EZH2: variants seen among roughly 807,000 people sequenced by gnomAD.
The protein encoded by EZH2 is histone-lysine N-methyltransferase EZH2.
EZH2 carries 18 observed loss-of-function variants against 98.4 expected under a neutral mutation model. The ratio of observed to expected loss-of-function variants is 0.18; its 90% CI spans 0.13 to 0.27. EZH2 has a LOEUF of 0.27. EZH2 is among the 10% of genes least tolerant of loss of function. EZH2 has a pLI of 1.00. For synonymous variants in EZH2, 338 were observed against 312.3 expected, an observed-to-expected ratio of 1.08 and a Z score of -0.87; for missense variants, 470 against 935.1, an observed-to-expected ratio of 0.50 and a Z score of 6.49.
chr7:148,830,858 A>G (rs1238741961), intron 4 of EZH2, among the ~76,000 whole-genome samples: 1 of 152,234 alleles, frequency 6.6e-6, no homozygotes, highest in Non-Finnish European at 1.5e-5. Context: ...GTTATAGATA[A>G]AGACTGGACA....
intron 5 of EZH2, among the ~76,000 whole-genome samples, chr7:148,829,096 G>A (rs1196352867): frequency 6.6e-6 from 1 of 152,092 alleles, no homozygotes; most frequent in Non-Finnish European, 1.5e-5. Context: ...TCTGTAGAAT[G>A]GCCCCTCCCC....
rs748108870 is a variant in EZH2 at position 148,832,699 on chromosome 7, T to A, written c.298A>T (p.Thr100Ser). The A allele has an allele frequency of 6.2e-7, 1 of 1,610,520 alleles. No individual in the cohort carries two copies. Among genetic ancestry groups the A allele is most frequent in the Non-Finnish European group, 8.5e-7 (1 of 1,177,678 alleles). Residue 100 changes from threonine (T) to serine (S), a missense_variant, in exon 4 of 20, where the codon ACT (threonine) becomes TCT (serine). Physicochemically the swap from Thr to Ser is moderately conservative, Grantham distance 58. Coordinates refer to ENST00000320356, the MANE Select transcript of EZH2 (RefSeq NM_004456.5). ...DFPTQVIPLK[T>S]LNAVASVPIM... Reference sequence around the variant, plus strand: ...GGTACTGAAGCAACTGCATTCAGAGTCTTTAATGGGATGACTTGTGTTGGA... The same window carrying A: ...GGTACTGAAGCAACTGCATTCAGAGACTTTAATGGGATGACTTGTGTTGGA...
At chr7:148,828,548 C>A (rs1808412449) in intron 6 of EZH2, among the ~76,000 whole-genome samples, 192 bp downstream of exon 6, 1 of 152,052 alleles carries the variant, frequency 6.6e-6, no homozygotes, top group East Asian at 1.9e-4. Flanking sequence ...CCTTAGCCTC[C>A]CAAGTGCTAG....
At chr7:148,834,544 G>C (rs1810371492) in intron 3 of EZH2, among the ~76,000 whole-genome samples, 1 of 152,158 alleles carries the variant, frequency 6.6e-6, no homozygotes, top group African/African-American at 2.4e-5. Flanking sequence ...AGTCACTGCA[G>C]CACAAAAATA....
chr7:148,867,176 A>C (rs1029570938), intron 1 of EZH2, among the ~76,000 whole-genome samples: 1 of 151,808 alleles, frequency 6.6e-6, no homozygotes, highest in Admixed American at 6.6e-5. Flanking sequence ...AAAATACAAA[A>C]TTAGCTAGGC....
At chr7:148,807,756 G>A (rs576481340) in intron 19 of EZH2, 50 bp from the exon 20 acceptor site, 2 of 1,295,662 alleles carry the variant, frequency 1.5e-6, no homozygotes, top group East Asian at 2.6e-5. Flanking sequence ...CATCCAACAT[G>A]TGCTGAGACT....
intron 1 of EZH2, among the ~76,000 whole-genome samples, chr7:148,852,923 C>T (rs1476630818): frequency 2.0e-5 from 3 of 152,164 alleles, no homozygotes; most frequent in Non-Finnish European, 1.5e-5. Flanking sequence ...CCAAAATCCA[C>T]GAAGACTCAA....
At chr7:148,810,258 T>C in intron 17 of EZH2, 75 bp downstream of exon 17, 1 of 1,141,294 alleles carries the variant, frequency 8.8e-7, no homozygotes, top group Non-Finnish European at 1.3e-6. Context: ...TCTACCCTCG[T>C]TTCTGAACAC....
At chr7:148,838,063 C>CTTTTTTTT (rs35838307) in intron 3 of EZH2, among the ~76,000 whole-genome samples, 1 of 100,512 alleles carries the variant, frequency 9.9e-6, no homozygotes, top group Non-Finnish European at 1.9e-5. Flanking sequence ...GTTTAGACTC[C>CTTTTTTTT]TTTTTTTTTT....
At chr7:148,836,064 G>A (rs923380131) in intron 3 of EZH2, among the ~76,000 whole-genome samples, 4 of 152,174 alleles carry the variant, frequency 2.6e-5, no homozygotes, top group Non-Finnish European at 2.9e-5. Flanking sequence ...GAGTCACTAA[G>A]AGACAAGAAA....
intron 1 of EZH2, among the ~76,000 whole-genome samples, chr7:148,874,003 G>T (rs908541653): frequency 6.6e-6 from 1 of 152,190 alleles, no homozygotes; most frequent in Non-Finnish European, 1.5e-5. Flanking sequence ...AGATATTCCA[G>T]AAAGAGGACA....
chr7:148,832,496 A>T, intron 4 of EZH2, 138 bp downstream of exon 4: 7 of 550,496 alleles, frequency 1.3e-5, no homozygotes, highest in South Asian at 3.2e-5. Flanking sequence ...ATCAATTTTT[A>T]AAAATTACTT....
chr7:148,840,064 T>C (rs964981978), intron 3 of EZH2, among the ~76,000 whole-genome samples: 2 of 152,176 alleles, frequency 1.3e-5, no homozygotes, highest in African/African-American at 4.8e-5. Context: ...GTGTTGAGAA[T>C]ATAGGTAAAC....
At chr7:148,828,529 A>G (rs187172705) in intron 6 of EZH2, among the ~76,000 whole-genome samples, 118 of 152,186 alleles carry the variant, frequency 7.8e-4, no homozygotes, top group African/African-American at 2.6e-3. Context: ...GGCTCAAGCA[A>G]TCTGCCCACC....
chr7:148,818,481 T>C (rs1471268875), intron 9 of EZH2, among the ~76,000 whole-genome samples: 5 of 152,218 alleles, frequency 3.3e-5, no homozygotes, highest in Non-Finnish European at 7.3e-5. Flanking sequence ...ATACAGTCTA[T>C]TTAAAAGTGA....
intron 1 of EZH2, among the ~76,000 whole-genome samples, chr7:148,877,963 G>A (rs941197417): frequency 1.7e-4 from 26 of 152,076 alleles, no homozygotes; most frequent in African/African-American, 6.3e-4. Flanking sequence ...CAAATTCCCA[G>A]CTGAATAATC....
rs557467296 is a variant in EZH2 at position 148,821,421 on chromosome 7, T to C, written c.908-1734A>G. 2.0e-5 allele frequency among the ~76,000 whole-genome samples: 3 copies of C among 152,330 alleles called. No homozygotes were observed. In the South Asian group the frequency reaches 6.2e-4, roughly 32 times the overall value. Reference sequence around the variant, plus strand: ...AAAGAGAGGTGATGGTATGGTTAGTTAGACTTAACCCTTATATTTTAAAAA... The same window carrying C: ...AAAGAGAGGTGATGGTATGGTTAGTCAGACTTAACCCTTATATTTTAAAAA... On this transcript the variant is annotated intron_variant, in intron 8 of 19. Transcript: ENST00000320356.
intron 1 of EZH2, among the ~76,000 whole-genome samples, chr7:148,861,989 A>G (rs1267114854): frequency 2.6e-5 from 4 of 152,250 alleles, no homozygotes; most frequent in East Asian, 1.9e-4. Context: ...GAAAAGGGAG[A>G]GTGTTTGAAT....
At chr7:148,836,986 G>C (rs1330328545) in intron 3 of EZH2, 4 of 499,370 alleles carry the variant, frequency 8.0e-6, no homozygotes, top group Middle Eastern at 3.0e-4. Flanking sequence ...GTAGAGGGAA[G>C]AGCAGGTGAA....
Sources: gnomAD v4.1 joint callset for allele counts (sites outside exome capture counted in the v4.1 genomes callset) on GRCh38, gnomAD v4.1.1 for gene constraint, MANE v1.5 for transcripts, NCBI Gene and HGNC (gene_info 2026-07-23, HGNC 2026-07-21) for gene names.